ATP8B4: variants seen among roughly 807,000 people sequenced by gnomAD.
ATP8B4 encodes ATPase phospholipid transporting 8B4 (putative).
In ATP8B4, 133 loss-of-function variants were observed where a neutral mutation model predicts 145.6. The observed-to-expected ratio is 0.91, with a 90% confidence interval of 0.79 to 1.05. The LOEUF (loss-of-function observed/expected upper bound fraction) is 1.05, where lower values mean the gene tolerates loss of function less well. ATP8B4 is among the 50% of genes least tolerant of loss of function. The pLI, the probability that ATP8B4 is intolerant of heterozygous loss-of-function variation, is 0.00. For missense variants in ATP8B4, 1,458 were observed against 1,425.2 expected, an observed-to-expected ratio of 1.02 and a Z score of -0.37; for synonymous variants, 507 against 492.9, an observed-to-expected ratio of 1.03 and a Z score of -0.38.
chr15:49,889,578 A>C (rs952571471), intron 23 of ATP8B4, among the ~76,000 whole-genome samples: 10 of 152,176 alleles, frequency 6.6e-5, no homozygotes, highest in Non-Finnish European at 1.5e-4. Context: ...CCACCATCCC[A>C]CAGGCAGTAA....
At chr15:49,972,857 G>A in intron 12 of ATP8B4, 67 bp from the exon 13 acceptor site, 1 of 1,513,838 alleles carries the variant, frequency 6.6e-7, no homozygotes, top group East Asian at 2.3e-5. Flanking sequence ...ACAATATTTT[G>A]CCAAAATAAG....
chr15:49,886,852 C>T (rs2036248595), intron 23 of ATP8B4, among the ~76,000 whole-genome samples: 1 of 151,888 alleles, frequency 6.6e-6, no homozygotes, highest in South Asian at 2.1e-4. Context: ...CTCTTTTGCC[C>T]AGACTGGAGT....
intron 7 of ATP8B4, among the ~76,000 whole-genome samples, chr15:50,002,907 A>G (rs993662386): frequency 6.6e-6 from 1 of 152,200 alleles, no homozygotes; most frequent in African/African-American, 2.4e-5. Context: ...TGAGCTTTGC[A>G]TATCACCTAT....
At chr15:50,124,718 A>G (rs777308419) in intron 1 of ATP8B4, among the ~76,000 whole-genome samples, 1 of 152,204 alleles carries the variant, frequency 6.6e-6, no homozygotes, top group Non-Finnish European at 1.5e-5. Flanking sequence ...TATCCCTTTC[A>G]GTGCAGACAC....
At chr15:50,056,714 T>C (rs1186845700) in intron 3 of ATP8B4, among the ~76,000 whole-genome samples, 1 of 142,420 alleles carries the variant, frequency 7.0e-6, no homozygotes, top group Non-Finnish European at 1.5e-5. Flanking sequence ...TATATATATA[T>C]ATACACACAC....
chr15:49,874,193 C>T lies in ATP8B4; in HGVS notation c.3027+2085G>A, dbSNP rs148148569. On this transcript the variant is annotated intron_variant, in intron 25 of 27. Transcript: ENST00000284509. ...CTCTAGGAGGTAGAAAGACATTAAA[C>T]GAGAGAACACACCACTAAATTTGTA... 2.5e-4 allele frequency among the ~76,000 whole-genome samples: 38 copies of T among 152,250 alleles called. No homozygotes were observed. The East Asian group carries it at 7.1e-3, about 29-fold the overall frequency.
At position 50,175,470 on chromosome 15, in the gene ATP8B4, G is replaced by A. The variant is rs145124615; in HGVS notation, c.-43+6791C>T. 6.1e-3 allele frequency among the ~76,000 whole-genome samples: 929 copies of A among 152,142 alleles called. 11 individuals are homozygous for A. The highest frequency in any genetic ancestry group is 0.022 in the African/African-American group (899 of 41,522). On this transcript the variant is annotated intron_variant, in intron 1 of 3. Transcript: ENST00000558829. Reference sequence around the variant, plus strand: ...CTAACAAATCTAATCAGTAAGAAACGAAGAAACTAACCAACGAATCTAATC... The same window carrying A: ...CTAACAAATCTAATCAGTAAGAAACAAAGAAACTAACCAACGAATCTAATC...
chr15:50,111,121 G>A (rs980812219), intron 1 of ATP8B4, among the ~76,000 whole-genome samples: 2 of 152,214 alleles, frequency 1.3e-5, no homozygotes, highest in African/African-American at 4.8e-5. Flanking sequence ...CTTCCACAAG[G>A]AAGTCTCTTC....
chr15:50,106,518 T>C (rs1176735973), intron 2 of ATP8B4, among the ~76,000 whole-genome samples: 1 of 152,236 alleles, frequency 6.6e-6, no homozygotes, highest in African/African-American at 2.4e-5. Flanking sequence ...AATGGAACAC[T>C]GCTTTGAAAT....
At chr15:50,125,336 A>C (rs748103122) in intron 1 of ATP8B4, among the ~76,000 whole-genome samples, 2 of 152,216 alleles carry the variant, frequency 1.3e-5, no homozygotes, top group Non-Finnish European at 2.9e-5. Context: ...TCTGCTCTTC[A>C]TCTCTTTACC....
intron 12 of ATP8B4, among the ~76,000 whole-genome samples, chr15:49,974,470 C>A (rs1012954639): frequency 5.3e-5 from 8 of 151,320 alleles, no homozygotes; most frequent in East Asian, 1.9e-4. Flanking sequence ...CTCAAGCGAT[C>A]CTCCCACCTC....
intron 9 of ATP8B4, among the ~76,000 whole-genome samples, chr15:49,993,281 CGATGA>C (rs2047176953): frequency 6.7e-6 from 1 of 149,966 alleles, no homozygotes; most frequent in African/African-American, 2.5e-5. Flanking sequence ...TGAAGGAAGA[CGATGA>C]GATGAGAACA....
intron 3 of ATP8B4, among the ~76,000 whole-genome samples, chr15:50,053,759 G>A (rs1444667652): frequency 6.6e-6 from 1 of 152,114 alleles, no homozygotes; most frequent in Non-Finnish European, 1.5e-5. Context: ...AGAAAATGGA[G>A]TAAAAATGAC....
In ATP8B4 at chr15:50,022,498, G is replaced by T. The variant is rs2049659163; in HGVS notation, c.363-11581C>A. On this transcript the variant is annotated intron_variant, in intron 6 of 27. Coordinates refer to ENST00000284509, the MANE Select transcript of ATP8B4 (RefSeq NM_024837.4). ...TAAGATAGACCTAAAGATTCCTCTG[G>T]TTCAGAGCACCCATGCTATGTCTGC... is the stretch of plus-strand genomic sequence containing the variant. Among the ~76,000 whole-genome samples the T allele has an allele frequency of 2.6e-5, 4 of 152,222 alleles. No individual in the cohort carries two copies. In the South Asian group the frequency reaches 8.3e-4, roughly 31 times the overall value.
At chr15:49,922,614 T>G (rs181002010) in intron 17 of ATP8B4, among the ~76,000 whole-genome samples, 1 of 152,234 alleles carries the variant, frequency 6.6e-6, no homozygotes, top group Admixed American at 6.5e-5. Flanking sequence ...CAATAATATC[T>G]TAAAGGAAAG....
chr15:50,156,081 T>A (rs1465148545), intron 1 of ATP8B4, among the ~76,000 whole-genome samples: 7 of 16,968 alleles, frequency 4.1e-4, no homozygotes, highest in South Asian at 4.6e-3. Context: ...TAAATATATA[T>A]ATATATATAT....
intron 25 of ATP8B4, among the ~76,000 whole-genome samples, chr15:49,875,196 T>C (rs969767632): frequency 5.3e-5 from 8 of 152,220 alleles, no homozygotes; most frequent in Non-Finnish European, 8.8e-5. Context: ...CCCTTACTTA[T>C]AAACAGATCA....
chr15:49,993,375 A>AT, intron 9 of ATP8B4, among the ~76,000 whole-genome samples: 1 of 151,282 alleles, frequency 6.6e-6, no homozygotes, highest in East Asian at 2.0e-4. Context: ...TGCTGATAGT[A>AT]GTGTGTGTGT....
intron 1 of ATP8B4, among the ~76,000 whole-genome samples, chr15:50,131,239 C>T (rs1373342700): frequency 2.0e-5 from 3 of 152,160 alleles, no homozygotes; most frequent in African/African-American, 7.2e-5. Flanking sequence ...GGACACAAAA[C>T]CTAACCACAT....
Sources: allele counts gnomAD v4.1 joint callset (sites outside exome capture counted in the v4.1 genomes callset), GRCh38; gene constraint gnomAD v4.1.1; transcripts MANE v1.5; gene names NCBI Gene and HGNC (gene_info 2026-07-23, HGNC 2026-07-21).